Variants in RADIL observed in about 807,000 individuals in gnomAD.
The protein encoded by RADIL is Rap associating with DIL domain, also known as ras-associating and dilute domain-containing protein.
RADIL carries 99 observed loss-of-function variants against 97.6 expected under a neutral mutation model. The observed-to-expected ratio is 1.01, with a 90% CI of 0.86 to 1.20. The LOEUF (loss-of-function observed/expected upper bound fraction) is 1.20, where lower values mean the gene tolerates loss of function less well. Among genes scored for constraint, RADIL ranks in the 50% most tolerant of loss-of-function variants. The probability of loss-of-function intolerance (pLI) is 0.00; values close to 1 mark genes in which losing one functional copy is unlikely to be tolerated. For synonymous variants in RADIL, 803 were observed against 691.8 expected (o/e 1.16, Z -2.52); for missense variants, 1,765 against 1,498.9 (o/e 1.18, Z -2.93).
At chr7:4,800,796 G>C (rs1782057519) in intron 12 of RADIL, among the ~76,000 whole-genome samples, 1 of 152,154 alleles carries the variant, frequency 6.6e-6, no homozygotes, top group South Asian at 2.1e-4. Flanking sequence ...TCCTGCCGTG[G>C]GTGCACTTAG....
intron 2 of RADIL, among the ~76,000 whole-genome samples, chr7:4,877,368 G>C (rs116602808): frequency 1.3e-5 from 2 of 152,240 alleles, no homozygotes; most frequent in African/African-American, 2.4e-5. Context: ...TTGAGCCCAG[G>C]AGGCTGCAGT....
rs115509760 is a variant in RADIL at position 4,824,534 on chromosome 7, A to G, written c.1455-1980T>C. On this transcript the variant is annotated intron_variant, in intron 5 of 14. Coordinates refer to ENST00000399583, the MANE Select transcript of RADIL (RefSeq NM_018059.5). The surrounding 1 kb of genome is among the most constrained non-coding windows in gnomAD (Gnocchi z 6.7). The stretch of plus-strand genomic sequence containing the variant: ...GGAGGAACCCCAGGCTGCGTCCCAG[A>G]TTCTCCCCGGTACCCAAAGTGTTGC... Among the ~76,000 whole-genome samples, 4,583 of 152,200 alleles carry G rather than the reference A, an allele frequency of 0.03. 92 individuals carry two copies. The highest frequency in any genetic ancestry group is 0.039 in the African/African-American group (1,599 of 41,508).
chr7:4,877,776 C>A lies in RADIL; in HGVS notation c.364G>T (p.Ala122Ser). 4 of 1,612,792 alleles carry A rather than the reference C, an allele frequency of 2.5e-6. No individual in the cohort carries two copies. Among genetic ancestry groups the A allele is most frequent in the Non-Finnish European group, 3.4e-6 (4 of 1,179,986 alleles). ...CACCGGGCCTGCCACCGCTGCCCAG[C>A]ATCGCCGGCTTGGCCCACCACGTCA... ...LCDVVGQAGD[A>S]GQRWQARCFR... The change falls in exon 2 of 15, where the codon GCT (alanine) becomes TCT (serine). Residue 122 changes from alanine to serine, a missense_variant. Physicochemically the swap from Ala to Ser is moderately conservative, Grantham distance 99. Transcript: ENST00000399583.
At chr7:4,800,099 G>C (rs573878672) in intron 13 of RADIL, 72 bp downstream of exon 13, 15 of 1,528,002 alleles carry the variant, frequency 9.8e-6, no homozygotes, top group Non-Finnish European at 1.3e-5. Flanking sequence ...CGCAAGCTGC[G>C]GCCAGGCTTG....
intron 5 of RADIL, among the ~76,000 whole-genome samples, chr7:4,826,558 C>T (rs1039556800): frequency 3.3e-5 from 5 of 151,590 alleles, no homozygotes; most frequent in Admixed American, 6.6e-5. Context: ...TATGGTGAAC[C>T]CCTGTCTCTA....
intron 2 of RADIL, among the ~76,000 whole-genome samples, chr7:4,876,126 C>T (rs536389148): frequency 6.6e-6 from 1 of 152,044 alleles, no homozygotes; most frequent in South Asian, 2.1e-4. Flanking sequence ...GGAGCTGGGA[C>T]CATAGGTATG....
intron 2 of RADIL, among the ~76,000 whole-genome samples, chr7:4,852,094 G>C (rs1783722403): frequency 6.6e-6 from 1 of 152,214 alleles, no homozygotes; most frequent in African/African-American, 2.4e-5. Context: ...CTGTCTACTG[G>C]AGTGAATTCT....
intron 11 of RADIL, 92 bp downstream of exon 11, chr7:4,803,454 G>A: frequency 8.9e-7 from 1 of 1,129,024 alleles, no homozygotes; most frequent in East Asian, 2.7e-5. Context: ...TGGCTGGGTG[G>A]CCCCCTCCCC....
chr7:4,864,208 T>C (rs1487727429), intron 2 of RADIL, among the ~76,000 whole-genome samples: 2 of 152,184 alleles, frequency 1.3e-5, no homozygotes, highest in Admixed American at 1.3e-4. Context: ...ATGATTTCCA[T>C]CTTCTTTGAC....
chr7:4,836,549 G>C lies in RADIL; in HGVS notation c.592C>G (p.Pro198Ala). ...GAGCTCCGGGCATCCCCCAGGGCCG[G>C]GGTCGGGGTTCCCTTCGCGCGACTC... ...QRSRAKGTPT[P>A]ALGDARSSPP... Residue 198 changes from proline (P) to alanine (A), a missense_variant, in exon 3 of 15, where the codon CCG (proline) becomes GCG (alanine). Coordinates refer to ENST00000399583, the MANE Select transcript of RADIL (RefSeq NM_018059.5). 6.2e-7 allele frequency: 1 copy of C among 1,607,884 alleles called. No homozygotes were observed.
chr7:4,856,197 A>G (rs1219209997), intron 2 of RADIL, among the ~76,000 whole-genome samples: 1 of 151,936 alleles, frequency 6.6e-6, no homozygotes, highest in Non-Finnish European at 1.5e-5. Context: ...TCCTGGGTTC[A>G]AGCGATTCTC....
intron 2 of RADIL, chr7:4,860,827 G>C: frequency 1.2e-6 from 2 of 1,614,148 alleles, no homozygotes; most frequent in Non-Finnish European, 1.7e-6. Flanking sequence ...TAGACACGTT[G>C]TATGTGGAGT....
chr7:4,797,675 C>T lies in RADIL; in HGVS notation c.*1703G>A, dbSNP rs1270553314. On this transcript the variant is annotated 3_prime_UTR_variant, in exon 15 of 15. Coordinates refer to ENST00000399583, the MANE Select transcript of RADIL (RefSeq NM_018059.5). Reference sequence around the variant, plus strand: ...CAGTGCTAACACACACGTTGTGGGACTCCTAGGAAAAGAAACAGAACAAGG... The same window carrying T: ...CAGTGCTAACACACACGTTGTGGGATTCCTAGGAAAAGAAACAGAACAAGG... 1 of 152,220 alleles carries T rather than the reference C, an allele frequency of 6.6e-6. No individual in the cohort carries two copies. Among genetic ancestry groups the T allele is most frequent in the Non-Finnish European group, 1.5e-5 (1 of 68,048 alleles). The allele number at this position is 152,220 out of a possible 1,614,324, so 9.4% of individuals were successfully genotyped here. A position where few individuals can be genotyped will look rare whatever the true frequency, so the allele number is the denominator to read the frequency against.
At chr7:4,852,833 G>A (rs781436314) in intron 2 of RADIL, among the ~76,000 whole-genome samples, 48 of 152,102 alleles carry the variant, frequency 3.2e-4, no homozygotes, top group South Asian at 4.1e-4. Context: ...GTGAGCCACC[G>A]CGCCTGGCCC....
At chr7:4,858,626 T>C (rs1783894266) in intron 2 of RADIL, 2 of 152,648 alleles carry the variant, frequency 1.3e-5, no homozygotes, top group South Asian at 4.1e-4. Context: ...AAATTAACTT[T>C]CCTATAAGGA....
chr7:4,832,775 G>C (rs1222212971), intron 4 of RADIL, among the ~76,000 whole-genome samples: 1 of 149,144 alleles, frequency 6.7e-6, no homozygotes, highest in East Asian at 2.0e-4. Context: ...AATTATTCTT[G>C]CCTTAGTAGT....
rs1783405967 is a variant in RADIL, at chr7:4,840,196, G to A, written c.536-3591C>T. On this transcript the variant is annotated intron_variant, in intron 2 of 14. Coordinates refer to ENST00000399583, the MANE Select transcript of RADIL (RefSeq NM_018059.5). This position sits in a 1 kb window ranked among gnomAD's most constrained non-coding sequence, Gnocchi z 5.6. The stretch of plus-strand genomic sequence containing the variant: ...CAGGGGGTCGGCTGTCAGGCTTGTT[G>A]GGGGCCGACATGGCCTCCCAAGTTC... 6.6e-6 allele frequency among the ~76,000 whole-genome samples: 1 copy of A among 152,136 alleles called. No individual in the cohort carries two copies. Among genetic ancestry groups the A allele is most frequent in the Non-Finnish European group, 1.5e-5 (1 of 68,004 alleles).
chr7:4,816,967 C>T (rs942042043), intron 7 of RADIL, among the ~76,000 whole-genome samples: 7 of 152,126 alleles, frequency 4.6e-5, no homozygotes, highest in Admixed American at 1.3e-4. Context: ...CCCTGACCCT[C>T]GAAATACTGG....
rs1784520498 is a variant in RADIL at position 4,883,186 on chromosome 7, C to T, written c.-65+410G>A. On this transcript the variant is annotated intron_variant, in intron 1 of 14. Transcript: ENST00000399583. The surrounding 1 kb of genome is among the most constrained non-coding windows in gnomAD (Gnocchi z 7.1). ...CCTGCGCCCCGCTCCCCCGCTGCGCCCCGCTCCCCCGCTGCGCGCCCCGGA... is the reference window on the plus strand; with the variant it reads ...CCTGCGCCCCGCTCCCCCGCTGCGCTCCGCTCCCCCGCTGCGCGCCCCGGA... 6.6e-6 allele frequency among the ~76,000 whole-genome samples: 1 copy of T among 152,154 alleles called. No homozygotes were observed. Among genetic ancestry groups the T allele is most frequent in the Non-Finnish European group, 1.5e-5 (1 of 67,998 alleles).
Sources: allele counts gnomAD v4.1 joint callset (sites outside exome capture counted in the v4.1 genomes callset), GRCh38; gene constraint gnomAD v4.1.1; non-coding constraint Gnocchi (gnomAD v3.1); transcripts MANE v1.5; gene names NCBI Gene and HGNC (gene_info 2026-07-23, HGNC 2026-07-21).